The following RAPGEF2 variants were observed in gnomAD, a reference collection of about 807,000 sequenced individuals.
The protein encoded by RAPGEF2 is PDZ domain containing guanine nucleotide exchange factor (GEF) 1.
In RAPGEF2, 54 loss-of-function variants were observed where a neutral mutation model predicts 186.7. The ratio of observed to expected loss-of-function variants is 0.29; its 90% CI spans 0.23 to 0.36. The LOEUF is 0.36. Among genes scored for constraint, RAPGEF2 ranks in the 10% least tolerant of loss-of-function variants. The pLI, the probability that RAPGEF2 is intolerant of heterozygous loss-of-function variation, is 1.00. For missense variants in RAPGEF2, 1,532 were observed against 2,045.0 expected (o/e 0.75, Z 4.84); for synonymous variants, 712 against 705.9 (o/e 1.01, Z -0.14).
chr4:159,157,447 G>A (rs182896673), intron 1 of RAPGEF2, among the ~76,000 whole-genome samples: 3 of 152,260 alleles, frequency 2.0e-5, no homozygotes, highest in Admixed American at 6.5e-5. Flanking sequence ...CAAATTATGT[G>A]CTTATTGTGT....
intron 3 of RAPGEF2, among the ~76,000 whole-genome samples, chr4:159,199,540 G>T (rs190624755): frequency 1.3e-5 from 2 of 151,804 alleles, no homozygotes; most frequent in East Asian, 1.9e-4. Flanking sequence ...CTTCATTATG[G>T]TCTCACTTCC....
At position 159,279,526 on chromosome 4, in the gene RAPGEF2, C is replaced by G. The variant is rs9995604; in HGVS notation, c.544-24816C>G. Among the ~76,000 whole-genome samples, 1,241 of 152,262 alleles carry G rather than the reference C, an allele frequency of 8.2e-3. 14 individuals carry two copies. Among genetic ancestry groups the G allele is most frequent in the African/African-American group, 0.028 (1,170 of 41,532 alleles). Reference sequence around the variant, plus strand: ...TGCCATGTCGTAACTGCTACCATCCCTGACATAAAATGTAGAGTAACTTTA... The same window carrying G: ...TGCCATGTCGTAACTGCTACCATCCGTGACATAAAATGTAGAGTAACTTTA... On this transcript the variant is annotated intron_variant, in intron 7 of 29. Transcript: ENST00000691494.
chr4:159,343,136 C>T lies in RAPGEF2; in HGVS notation c.3076C>T (p.Pro1026Ser). 6.2e-7 allele frequency: 1 copy of T among 1,614,112 alleles called. No homozygotes were observed. Among genetic ancestry groups the T allele is most frequent in the Non-Finnish European group, 8.5e-7 (1 of 1,179,966 alleles). ...TCTCAATAGTCAAAATCTACAACCT[C>T]CCATAATCCCTCTATTCCCAGTTAT... ...NVLNSQNLQP[P>S]IIPLFPVIKK... The change falls in exon 21 of 30, where the codon CCC becomes TCC. Residue 1026 changes from proline to serine, a missense_variant. Around this residue, in one of 4 missense-constraint regions of RAPGEF2, gnomAD observed 11 missense variants for 45.2 expected, o/e 0.24. Transcript: ENST00000691494.
intron 7 of RAPGEF2, among the ~76,000 whole-genome samples, chr4:159,284,593 T>C (rs758997970): frequency 3.3e-5 from 5 of 151,988 alleles, no homozygotes; most frequent in Non-Finnish European, 4.4e-5. Context: ...CTCCTCTGGA[T>C]TTCATTCCAA....
intron 18 of RAPGEF2, 69 bp downstream of exon 18, chr4:159,338,537 T>G: frequency 7.2e-7 from 1 of 1,396,394 alleles, no homozygotes; most frequent in Non-Finnish European, 9.9e-7. Context: ...ATGGTCATAT[T>G]ATATGTATCT....
chr4:159,212,201 C>T (rs2111376307), intron 4 of RAPGEF2, among the ~76,000 whole-genome samples: 1 of 152,234 alleles, frequency 6.6e-6, no homozygotes, highest in African/African-American at 2.4e-5. Context: ...TCTAGGAATT[C>T]TGTTTTCGGC....
At chr4:159,308,220 G>A in intron 8 of RAPGEF2, among the ~76,000 whole-genome samples, 1 of 151,978 alleles carries the variant, frequency 6.6e-6, no homozygotes, top group South Asian at 2.1e-4. Context: ...TGAAGAAGAG[G>A]ATCCCTGTGC....
intron 25 of RAPGEF2, among the ~76,000 whole-genome samples, chr4:159,347,347 A>C (rs989974175): frequency 6.6e-6 from 1 of 152,236 alleles, no homozygotes; most frequent in Non-Finnish European, 1.5e-5. Context: ...GCTGGGATTT[A>C]AGCAGAATAT....
chr4:159,162,221 C>CAA (rs35274144), intron 1 of RAPGEF2, among the ~76,000 whole-genome samples: 9,306 of 98,096 alleles, frequency 0.095, 643 homozygotes, highest in African/African-American at 0.19. Context: ...TGTGTTTCTT[C>CAA]AAAAAAAAAA....
intron 1 of RAPGEF2, among the ~76,000 whole-genome samples, chr4:159,104,551 A>AGTGTGTGTGTGT (rs371444415): frequency 7.4e-6 from 1 of 134,548 alleles, no homozygotes; most frequent in African/African-American, 3.1e-5. Context: ...AGAGAGAGAG[A>AGTGTGTGTGTGT]GAGTGTGTGT....
At chr4:159,189,549 AC>A (rs1233769429) in intron 2 of RAPGEF2, among the ~76,000 whole-genome samples, 6 of 152,226 alleles carry the variant, frequency 3.9e-5, no homozygotes, top group African/African-American at 1.2e-4. Flanking sequence ...AGTTTTGGAA[AC>A]AAGAGCCTGC....
At chr4:159,258,110 A>G (rs1176963634) in intron 7 of RAPGEF2, among the ~76,000 whole-genome samples, 1 of 152,214 alleles carries the variant, frequency 6.6e-6, no homozygotes, top group African/African-American at 2.4e-5. Flanking sequence ...GATATTTACA[A>G]TTAAATATTC....
chr4:159,276,181 G>A (rs1169373326), intron 7 of RAPGEF2, among the ~76,000 whole-genome samples: 2 of 152,116 alleles, frequency 1.3e-5, no homozygotes, highest in Admixed American at 1.3e-4. Context: ...GGTGGGGTTT[G>A]GGGGAAGTTC....
intron 3 of RAPGEF2, among the ~76,000 whole-genome samples, chr4:159,195,551 A>C (rs182904597): frequency 6.6e-6 from 1 of 152,190 alleles, no homozygotes; most frequent in African/African-American, 2.4e-5. Flanking sequence ...CAGCTGGACA[A>C]ACTGAAGCTT....
rs199989886 is a variant in RAPGEF2, at chr4:159,355,999, G to A, written c.4798G>A (p.Ala1600Thr). ...NVALQRSRMV[A>T]RSSDTAGPSS... ...GGCCCTTCAGAGATCGCGGATGGTC[G>A]CACGATCCTCCGACACAGCTGGGCC... The change falls in exon 29 of 30, where the codon GCA (alanine) becomes ACA (threonine). Residue 1600 changes from alanine to threonine, a missense_variant. Physicochemically the swap from Ala to Thr is moderately conservative, Grantham distance 58. Around this residue, in one of 4 missense-constraint regions of RAPGEF2, gnomAD observed 594 missense variants for 608.5 expected, o/e 0.98. Transcript: ENST00000691494. 52 of 1,613,326 alleles carry A rather than the reference G, an allele frequency of 3.2e-5. No individual in the cohort carries two copies. Among genetic ancestry groups the A allele is most frequent in the East Asian group, 4.5e-5 (2 of 44,808 alleles).
chr4:159,325,411 G>A (rs543839720), intron 11 of RAPGEF2, among the ~76,000 whole-genome samples: 74 of 152,078 alleles, frequency 4.9e-4, no homozygotes, highest in Non-Finnish European at 9.1e-4. Flanking sequence ...AATTATATAT[G>A]CTGTTTCAGC....
At chr4:159,131,749 C>T (rs1018842658) in intron 1 of RAPGEF2, among the ~76,000 whole-genome samples, 8 of 151,148 alleles carry the variant, frequency 5.3e-5, no homozygotes, top group Admixed American at 4.0e-4. Flanking sequence ...TCCTACAGCC[C>T]GGCATCTCCT....
intron 2 of RAPGEF2, among the ~76,000 whole-genome samples, chr4:159,187,359 C>A (rs1255742311): frequency 6.6e-6 from 1 of 151,852 alleles, no homozygotes; most frequent in Non-Finnish European, 1.5e-5. Context: ...CTTCCTCTCT[C>A]ACTTCTCACC....
In RAPGEF2 at chr4:159,332,968, TTTTATTTATTTA is replaced by T. The variant is rs565986655; in HGVS notation, c.2135+287_2135+298del. On this transcript the variant is annotated intron_variant, in intron 17 of 29. Coordinates refer to ENST00000691494, the MANE Select transcript of RAPGEF2 (RefSeq NM_001394067.2). Reference sequence around the variant, plus strand: ...TGGACTTTTTAGTTTATTTTTTAATTTTTATTTATTTATTTATTTATTTATTTTGAGAAAGAG... The same window carrying T: ...TGGACTTTTTAGTTTATTTTTTAATTTTTATTTATTTATTTTGAGAAAGAG... The T allele has an allele frequency of 3.1e-3, 588 of 192,334 alleles. 5 individuals carry two copies. The highest frequency in any genetic ancestry group is 0.013 in the African/African-American group (570 of 42,826). The allele number at this position is 192,334 out of a possible 1,614,324, so 11.9% of individuals were successfully genotyped here.
Sources: gnomAD v4.1 joint callset for allele counts (sites outside exome capture counted in the v4.1 genomes callset) on GRCh38, gnomAD v4.1.1 for gene constraint, gnomAD v4.1.1 regional missense constraint, MANE v1.5 for transcripts, NCBI Gene and HGNC (gene_info 2026-07-23, HGNC 2026-07-21) for gene names.